Variants in NUAK1 observed in about 807,000 individuals in gnomAD.
The protein encoded by NUAK1 is NUAK family SNF1-like kinase 1.
In NUAK1, 26 loss-of-function variants were observed where a neutral mutation model predicts 56.9. That is an observed-to-expected ratio of 0.46 (90% CI 0.33 to 0.63). The LOEUF (loss-of-function observed/expected upper bound fraction) is 0.63. NUAK1 is among the 30% of genes least tolerant of loss of function. NUAK1 has a pLI of 0.02. For synonymous variants in NUAK1, 337 were observed against 336.0 expected, an observed-to-expected ratio of 1.00 and a Z score of -0.03; for missense variants, 727 against 876.1, an observed-to-expected ratio of 0.83 and a Z score of 2.15.
intron 4 of NUAK1, among the ~76,000 whole-genome samples, chr12:106,075,286 AACAC>A (rs370123170): frequency 0.021 from 2,810 of 133,992 alleles, 100 homozygotes; most frequent in African/African-American, 0.076. Context: ...AGTATTAATC[AACAC>A]ACACACACAC....
rs1012598759 is a variant in NUAK1, at chr12:106,066,726, G to A, written c.*76C>T. 9.0e-6 allele frequency: 11 copies of A among 1,219,718 alleles called. No individual in the cohort carries two copies. The South Asian group carries it at 1.4e-4, about 15-fold the overall frequency. 75.6% of individuals were successfully genotyped at this position (1,219,718 alleles called of 1,614,324 possible). A position where few individuals can be genotyped will look rare whatever the true frequency, so the allele number is the denominator to read the frequency against. On this transcript the variant is annotated 3_prime_UTR_variant, in exon 7 of 7. Transcript: ENST00000261402. ...GTCTGTTGTCACAGCCAGCAAAGAG[G>A]TAACCAGCCTGTGAGCCCAAGTCTT...
intron 2 of NUAK1, among the ~76,000 whole-genome samples, chr12:106,092,767 G>A (rs1335485464): frequency 6.6e-6 from 1 of 152,004 alleles, no homozygotes; most frequent in Admixed American, 6.6e-5. Flanking sequence ...ATTTTTGTTG[G>A]GTAGATACCC....
intron 1 of NUAK1, among the ~76,000 whole-genome samples, chr12:106,127,135 TGA>T (rs2033031790): frequency 6.6e-6 from 1 of 152,138 alleles, no homozygotes; most frequent in Non-Finnish European, 1.5e-5. Context: ...ATGAGAAAAC[TGA>T]GAGGTTCTTT....
At chr12:106,089,512 C>T (rs982394605) in intron 2 of NUAK1, among the ~76,000 whole-genome samples, 1 of 152,252 alleles carries the variant, frequency 6.6e-6, no homozygotes, top group Non-Finnish European at 1.5e-5. Context: ...CCGAGTCTGG[C>T]CAGGTACGGT....
At chr12:106,088,923 C>G (rs561469581) in intron 2 of NUAK1, among the ~76,000 whole-genome samples, 1 of 152,276 alleles carries the variant, frequency 6.6e-6, no homozygotes, top group East Asian at 1.9e-4. Context: ...GCCAAACCTC[C>G]CTGATAAAAT....
intron 1 of NUAK1, among the ~76,000 whole-genome samples, chr12:106,119,962 G>A (rs953014790): frequency 6.8e-6 from 1 of 147,270 alleles, no homozygotes; most frequent in African/African-American, 2.4e-5. Flanking sequence ...CTCTTAAATG[G>A]GTGAGCTTCA....
In NUAK1 at chr12:106,083,795, G is replaced by A. The variant is rs142306693; in HGVS notation, c.579+69C>T. 3.7e-6 allele frequency: 5 copies of A among 1,368,838 alleles called. No homozygotes were observed. The East Asian group carries it at 9.2e-5, about 25-fold the overall frequency. The allele number at this position is 1,368,838 out of a possible 1,614,324, so 84.8% of individuals were successfully genotyped here. On this transcript the variant is annotated intron_variant, in intron 4 of 6. Transcript: ENST00000261402. ...CCTTATTTCCAGGCTGCGGCTTGGA[G>A]CAGGTTAAGCCTCCATCCGGCTGCA...
At chr12:106,117,697 T>C (rs2032931817) in intron 1 of NUAK1, among the ~76,000 whole-genome samples, 1 of 152,250 alleles carries the variant, frequency 6.6e-6, no homozygotes, top group Non-Finnish European at 1.5e-5. Context: ...TGACCTACTT[T>C]GCACAAAGGT....
At chr12:106,071,187 T>A (rs1306956997) in intron 5 of NUAK1, among the ~76,000 whole-genome samples, 1 of 152,184 alleles carries the variant, frequency 6.6e-6, no homozygotes, top group African/African-American at 2.4e-5. Flanking sequence ...ACTACAATTT[T>A]GTGAAGCAGT....
chr12:106,079,908 C>A (rs2032499235), intron 4 of NUAK1, among the ~76,000 whole-genome samples: 1 of 152,150 alleles, frequency 6.6e-6, no homozygotes, highest in Non-Finnish European at 1.5e-5. Context: ...ACTATTAAAT[C>A]CCCAGCACAG....
intron 1 of NUAK1, among the ~76,000 whole-genome samples, chr12:106,119,269 T>C (rs2032950292): frequency 6.6e-6 from 1 of 152,186 alleles, no homozygotes; most frequent in South Asian, 2.1e-4. Context: ...GAAAATACAC[T>C]TGACCTTGAG....
intron 2 of NUAK1, among the ~76,000 whole-genome samples, chr12:106,093,992 A>G (rs2468200): frequency 0.24 from 35,833 of 151,144 alleles, 4,280 homozygotes; most frequent in East Asian, 0.35. Context: ...TTTTCTTGGT[A>G]GAGACAGGGT....
chr12:106,138,456 G>T lies in NUAK1; in HGVS notation c.198C>A (p.Tyr66Ter). Residue 66 changes from tyrosine to a stop codon, truncating the protein, a stop_gained, in exon 1 of 7, where the codon TAC becomes TAA. Transcript: ENST00000261402. LOFTEE classifies it high-confidence loss of function. This position sits in a 1 kb window ranked among gnomAD's most constrained non-coding sequence, Gnocchi z 5.0. The stretch of plus-strand genomic sequence containing the variant: ...TCTCGGTGGCCCGCTTGACTTTGCC[G>T]TAGGTGCCTTTGCCCAGGGTCTCCT... ...ELQETLGKGTYGKVKRATERF... is the reference protein window; with the variant it reads ...ELQETLGKGT 1.9e-6 allele frequency: 3 copies of T among 1,611,826 alleles called. No homozygotes were observed. Among genetic ancestry groups the T allele is most frequent in the Non-Finnish European group, 2.5e-6 (3 of 1,179,382 alleles).
rs2032517735 is a variant in NUAK1 at position 106,081,485 on chromosome 12, T to A, written c.579+2379A>T. 2.0e-5 allele frequency among the ~76,000 whole-genome samples: 3 copies of A among 152,194 alleles called. No individual in the cohort carries two copies. The South Asian group carries it at 6.2e-4, about 32-fold the overall frequency. On this transcript the variant is annotated intron_variant, in intron 4 of 6. Transcript: ENST00000261402. ...TTAGAAATTCTTAAGGAAAGGTATA[T>A]GCCTAAGCCTTAATTGATAATACTG... is the stretch of plus-strand genomic sequence containing the variant.
rs745518035 is a variant in NUAK1 at position 106,067,684 on chromosome 12, C to T, written c.1104G>A (p.Leu368=). 14 of 1,614,210 alleles carry T rather than the reference C, an allele frequency of 8.7e-6. No individual in the cohort carries two copies. The highest frequency in any genetic ancestry group is 1.2e-5 in the Non-Finnish European group (14 of 1,180,038). The change falls in exon 7 of 7, where the codon CTG becomes CTA. Residue 368 remains leucine, a synonymous_variant. Transcript: ENST00000261402. This position sits in a 1 kb window ranked among gnomAD's most constrained non-coding sequence, Gnocchi z 6.0. The part of the protein sequence containing the change: ...SEVMLERQRS[L]KKSKKENDFA... ...AGTCATTCTCTTTCTTGGATTTCTT[C>T]AGCGACCGCTGCCGCTCTAGCATGA...
At chr12:106,122,682 G>C (rs1338841784) in intron 1 of NUAK1, among the ~76,000 whole-genome samples, 1 of 152,160 alleles carries the variant, frequency 6.6e-6, no homozygotes, top group Non-Finnish European at 1.5e-5. Flanking sequence ...CCATTGTCCA[G>C]AGCTGTGTTC....
chr12:106,112,436 G>A (rs568347595), intron 1 of NUAK1, among the ~76,000 whole-genome samples: 68 of 151,544 alleles, frequency 4.5e-4, no homozygotes, highest in Non-Finnish European at 7.8e-4. Flanking sequence ...GCCCCACCGA[G>A]GCCACACCGG....
At chr12:106,069,129 CAT>C (rs2032377544) in intron 6 of NUAK1, among the ~76,000 whole-genome samples, 1 of 152,122 alleles carries the variant, frequency 6.6e-6, no homozygotes, top group African/African-American at 2.4e-5. Context: ...CCTGATTATC[CAT>C]AGAGTCTGTA....
At chr12:106,116,750 G>A (rs529183330) in intron 1 of NUAK1, among the ~76,000 whole-genome samples, 2 of 152,208 alleles carry the variant, frequency 1.3e-5, no homozygotes, top group African/African-American at 2.4e-5. Context: ...AGGCCCCATC[G>A]AGGCCGCACT....
Sources: gnomAD v4.1 joint callset for allele counts (sites outside exome capture counted in the v4.1 genomes callset) on GRCh38, gnomAD v4.1.1 for gene constraint, Gnocchi (gnomAD v3.1) non-coding constraint, MANE v1.5 for transcripts, NCBI Gene and HGNC (gene_info 2026-07-23, HGNC 2026-07-21) for gene names.